CRISP1: variants seen among roughly 807,000 people sequenced by gnomAD.
CRISP1 encodes the protein cysteine-rich secretory protein 1.
In CRISP1, 44 loss-of-function variants were observed where a neutral mutation model predicts 33.1. That is an observed-to-expected ratio of 1.33 (90% CI 1.05 to 1.71). The LOEUF (loss-of-function observed/expected upper bound fraction) is 1.71, where lower values mean the gene tolerates loss of function less well. Ranked by LOEUF, CRISP1 falls within the 40% of genes most tolerant of loss-of-function variation. The pLI is 0.00. For synonymous variants in CRISP1, 103 were observed against 98.7 expected, an observed-to-expected ratio of 1.04 and a Z score of -0.26; for missense variants, 390 against 301.2, an observed-to-expected ratio of 1.29 and a Z score of -2.18.
intron 7 of CRISP1, among the ~76,000 whole-genome samples, chr6:49,836,340 ATT>A (rs556684394): frequency 7.0e-6 from 1 of 142,978 alleles, no homozygotes; most frequent in Non-Finnish European, 1.5e-5. Context: ...TTTTTATTTT[ATT>A]TTTTTTTTTT....
At chr6:49,848,440 G>A (rs568796585) in intron 3 of CRISP1, 141 bp from the exon 4 acceptor site, 55 of 479,316 alleles carry the variant, frequency 1.1e-4, no homozygotes, top group African/African-American at 3.4e-4. Context: ...ACTATTAAAC[G>A]TTCTAGTAGA....
chr6:49,856,413 GA>G (rs1321656475), intron 2 of CRISP1, among the ~76,000 whole-genome samples: 1 of 152,142 alleles, frequency 6.6e-6, no homozygotes, highest in Non-Finnish European at 1.5e-5. Flanking sequence ...CAGAGGGAAG[GA>G]AGAAGTCTTA....
chr6:49,852,100 C>A lies in CRISP1; in HGVS notation c.96G>T (p.Lys32Asn), dbSNP rs761280042. ...GTACATTTGGCAAGTCGGTGACGAG[C>A]TTATTAAATTGGTCTCTAGCTGATT... The part of the protein sequence containing the change: ...KKKSARDQFN[K>N]LVTDLPNVQE... The change falls in exon 3 of 8, where the codon AAG becomes AAT. Residue 32 changes from lysine (K) to asparagine (N), a missense_variant. Coordinates refer to ENST00000335847, the MANE Select transcript of CRISP1 (RefSeq NM_001131.3). The A allele has an allele frequency of 5.6e-6, 9 of 1,612,990 alleles. No individual in the cohort carries two copies. Among genetic ancestry groups the A allele is most frequent in the Non-Finnish European group, 7.6e-6 (9 of 1,179,412 alleles).
At chr6:49,846,262 A>T (rs1771164065) in intron 5 of CRISP1, among the ~76,000 whole-genome samples, 1 of 152,170 alleles carries the variant, frequency 6.6e-6, no homozygotes, top group Non-Finnish European at 1.5e-5. Context: ...CCAATATCAA[A>T]TGAGATTGAT....
intron 2 of CRISP1, 22 bp from the exon 3 acceptor site, chr6:49,852,151 T>C (rs1400052243): frequency 1.9e-6 from 3 of 1,604,904 alleles, no homozygotes; most frequent in African/African-American, 1.3e-5. Context: ...AAAATATTAA[T>C]TAGTGTTACT....
chr6:49,838,418 A>G lies in CRISP1; in HGVS notation c.622+19T>C. On this transcript the variant is annotated intron_variant, in intron 7 of 7. Coordinates refer to ENST00000335847, the MANE Select transcript of CRISP1 (RefSeq NM_001131.3). ...ATCAATGGGTTAACTGTAAACAAAC[A>G]GAATGCAAACAAACTTACTGCAAAG... The G allele has an allele frequency of 6.3e-7, 1 of 1,585,744 alleles. No homozygotes were observed. Among genetic ancestry groups the G allele is most frequent in the Non-Finnish European group, 8.6e-7 (1 of 1,158,386 alleles).
intron 6 of CRISP1, among the ~76,000 whole-genome samples, chr6:49,839,800 A>G (rs1021158971): frequency 1.3e-5 from 2 of 152,196 alleles, no homozygotes; most frequent in Admixed American, 6.5e-5. Context: ...TTGTAGCAGC[A>G]AAGAGATTTT....
rs751185519 is a variant in CRISP1, at chr6:49,838,512, C to T, written c.547G>A (p.Glu183Lys). The T allele has an allele frequency of 6.2e-7, 1 of 1,612,102 alleles. No homozygotes were observed. The highest frequency in any genetic ancestry group is 1.3e-5 in the African/African-American group (1 of 74,884). Residue 183 changes from glutamate to lysine, a missense_variant, in exon 7 of 8, where the codon GAA becomes AAA. By Grantham distance (56) the Glu-to-Lys change is moderately conservative (BLOSUM62 1). Coordinates refer to ENST00000335847, the MANE Select transcript of CRISP1 (RefSeq NM_001131.3). ...CHYCHEGNDP[E>K]TKNEPYKTGV... ...GTCTTATAAGGTTCATTCTTTGTTT[C>T]AGGATCATTTCCCCTTGAATAAAAA...
chr6:49,846,631 A>C lies in CRISP1; in HGVS notation c.324T>G (p.Tyr108Ter). The C allele has an allele frequency of 6.2e-7, 1 of 1,613,542 alleles. No homozygotes were observed. Among genetic ancestry groups the C allele is most frequent in the East Asian group, 2.2e-5 (1 of 44,860 alleles). The change falls in exon 5 of 8, where the codon TAT (tyrosine) becomes TAG (stop). Residue 108 changes from tyrosine to a stop codon, truncating the protein, a stop_gained. Transcript: ENST00000335847. LOFTEE classifies it high-confidence loss of function. ...CAATTACACTTGACCATGATACAGGATAAGATGTCATATGCATATTTTCTC... is the reference window on the plus strand; with the variant it reads ...CAATTACACTTGACCATGATACAGGCTAAGATGTCATATGCATATTTTCTC... ...FCGENMHMTS[Y>*]PVSWSSVIGV...
At chr6:49,854,487 C>T (rs1053107420) in intron 2 of CRISP1, among the ~76,000 whole-genome samples, 4 of 152,126 alleles carry the variant, frequency 2.6e-5, no homozygotes, top group Non-Finnish European at 4.4e-5. Context: ...CCTGCCTCAG[C>T]CCCCCAGTAG....
intron 2 of CRISP1, 107 bp downstream of exon 2, chr6:49,857,228 G>A (rs1028777525): frequency 1.1e-6 from 1 of 952,366 alleles, no homozygotes; most frequent in Non-Finnish European, 1.6e-6. Flanking sequence ...AGTGAGTAAT[G>A]GGTGTAGTGG....
At chr6:49,875,056 C>A (rs568502514) in intron 1 of CRISP1, among the ~76,000 whole-genome samples, 1 of 151,932 alleles carries the variant, frequency 6.6e-6, no homozygotes, top group Admixed American at 6.6e-5. Context: ...GAAATTATGG[C>A]CTGGGCAATC....
chr6:49,869,537 C>T (rs1478530562), upstream of CRISP1, among the ~76,000 whole-genome samples: 1 of 152,118 alleles, frequency 6.6e-6, no homozygotes, highest in Non-Finnish European at 1.5e-5. Flanking sequence ...CTGGAAGTTG[C>T]CATCATACAC....
intron 6 of CRISP1, among the ~76,000 whole-genome samples, chr6:49,838,951 G>A (rs554994033): frequency 2.6e-5 from 4 of 152,278 alleles, no homozygotes; most frequent in African/African-American, 9.6e-5. Context: ...AATCTCAAGT[G>A]AGGCAAGTTA....
At chr6:49,851,926 C>A in intron 3 of CRISP1, 75 bp downstream of exon 3, 1 of 1,496,164 alleles carries the variant, frequency 6.7e-7, no homozygotes, top group South Asian at 1.4e-5. Context: ...TTTGAAAGTG[C>A]ATAGAACTTA....
intron 1 of CRISP1, among the ~76,000 whole-genome samples, chr6:49,862,410 T>A (rs991781045): frequency 6.6e-6 from 1 of 151,184 alleles, no homozygotes; most frequent in African/African-American, 2.4e-5. Flanking sequence ...ATTAGAAAAA[T>A]ATATATATAC....
intron 1 of CRISP1, among the ~76,000 whole-genome samples, chr6:49,860,743 T>G (rs13203134): frequency 0.19 from 28,273 of 151,804 alleles, 3,434 homozygotes; most frequent in Non-Finnish European, 0.26. Context: ...AACCCAAAAC[T>G]GGCAGAAGAA....
chr6:49,836,971 C>T lies in CRISP1; in HGVS notation c.622+1466G>A, dbSNP rs147449032. 9.9e-5 allele frequency among the ~76,000 whole-genome samples: 15 copies of T among 152,108 alleles called. 1 individual carries two copies. In the East Asian group the frequency reaches 2.5e-3, roughly 26 times the overall value. Reference sequence around the variant, plus strand: ...TATGTAGTATTCTGGTGAAATATGACTATCAGTGGATTTTTTTTTCTTTAG... The same window carrying T: ...TATGTAGTATTCTGGTGAAATATGATTATCAGTGGATTTTTTTTTCTTTAG... On this transcript the variant is annotated intron_variant, in intron 7 of 7. Transcript: ENST00000335847.
At chr6:49,869,468 T>C (rs1039061426), upstream of CRISP1, among the ~76,000 whole-genome samples, 10 of 152,104 alleles carry the variant, frequency 6.6e-5, no homozygotes, top group Non-Finnish European at 1.5e-4. Flanking sequence ...TCTAATTCGA[T>C]TAACAAGAAG....
Sources: gnomAD v4.1 joint callset for allele counts (sites outside exome capture counted in the v4.1 genomes callset) on GRCh38, gnomAD v4.1.1 for gene constraint, MANE v1.5 for transcripts, NCBI Gene and HGNC (gene_info 2026-07-23, HGNC 2026-07-21) for gene names.